EYS: variants seen among roughly 807,000 people sequenced by gnomAD.
EYS encodes protein eyes shut homolog.
Under a neutral mutation model 282.1 loss-of-function variants are expected in EYS, and 250 were observed. The observed-to-expected ratio is 0.89, with a 90% CI of 0.80 to 0.98. EYS has a LOEUF of 0.98. Among genes scored for constraint, EYS ranks in the 50% least tolerant of loss-of-function variants. The probability of loss-of-function intolerance (pLI) is 0.00; values close to 1 mark genes in which losing one functional copy is unlikely to be tolerated. For synonymous variants in EYS, 1,355 were observed against 1,282.9 expected (o/e 1.06, Z -1.20); for missense variants, 4,016 against 3,709.0 (o/e 1.08, Z -2.15).
At chr6:64,135,618 C>T (rs1262776126) in intron 31 of EYS, among the ~76,000 whole-genome samples, 1 of 152,092 alleles carries the variant, frequency 6.6e-6, no homozygotes, top group African/African-American at 2.4e-5. Flanking sequence ...ATACTTCAGA[C>T]ACATTGTAGG....
chr6:64,460,921 G>GA (rs912949496), intron 26 of EYS, among the ~76,000 whole-genome samples: 33 of 149,972 alleles, frequency 2.2e-4, no homozygotes, highest in African/African-American at 2.9e-4. Flanking sequence ...GGAAGGTACA[G>GA]AAAAAAAAAA....
intron 12 of EYS, among the ~76,000 whole-genome samples, chr6:65,278,451 T>G (rs1358957419): frequency 1.3e-5 from 2 of 150,014 alleles, no homozygotes; most frequent in African/African-American, 4.9e-5. Context: ...ATACAGCAGC[T>G]CATATCTATA....
chr6:65,225,634 A>G (rs940327683), intron 12 of EYS, among the ~76,000 whole-genome samples: 1 of 151,684 alleles, frequency 6.6e-6, no homozygotes, highest in Admixed American at 6.6e-5. Context: ...GAATTGCTTG[A>G]ACCTGGGAGG....
chr6:64,060,648 A>G (rs1771135120), intron 33 of EYS, among the ~76,000 whole-genome samples: 1 of 152,208 alleles, frequency 6.6e-6, no homozygotes, highest in African/African-American at 2.4e-5. Context: ...ATTTTAAAAA[A>G]TCTGCACCAA....
intron 31 of EYS, among the ~76,000 whole-genome samples, chr6:64,166,827 G>GC (rs1401078408): frequency 1.3e-5 from 2 of 152,276 alleles, no homozygotes; most frequent in East Asian, 3.9e-4. Flanking sequence ...AAAGTAGCTT[G>GC]CTAATGATAA....
At chr6:64,121,146 CCTT>C (rs527863088) in intron 31 of EYS, among the ~76,000 whole-genome samples, 16 of 152,140 alleles carry the variant, frequency 1.1e-4, no homozygotes, top group South Asian at 2.1e-4. Flanking sequence ...CATCTCTCCT[CCTT>C]CTCCCTCCAG....
At chr6:64,103,477 A>G (rs911783168) in intron 31 of EYS, among the ~76,000 whole-genome samples, 1 of 152,180 alleles carries the variant, frequency 6.6e-6, no homozygotes, top group African/African-American at 2.4e-5. Context: ...ACCAGGAGAA[A>G]GAGGCAAGAA....
chr6:64,659,728 A>T (rs193088387), intron 22 of EYS, among the ~76,000 whole-genome samples: 1 of 152,280 alleles, frequency 6.6e-6, no homozygotes, highest in Admixed American at 6.5e-5. Context: ...AGGCTCTGAA[A>T]TTGAGGCAAA....
intron 2 of EYS, among the ~76,000 whole-genome samples, chr6:65,553,297 A>G (rs1768668335): frequency 6.6e-6 from 1 of 152,190 alleles, no homozygotes; most frequent in Non-Finnish European, 1.5e-5. Flanking sequence ...GCAACAGAAG[A>G]TCACAGCAAT....
intron 22 of EYS, chr6:64,631,174 G>C (rs1190197933): frequency 1.3e-5 from 2 of 152,152 alleles, no homozygotes; most frequent in Non-Finnish European, 2.9e-5. Context: ...GAAAGCAACT[G>C]TTAAAAATGA....
intron 29 of EYS, among the ~76,000 whole-genome samples, chr6:64,333,145 G>A (rs927887083): frequency 6.6e-6 from 1 of 151,402 alleles, no homozygotes; most frequent in Non-Finnish European, 1.5e-5. Context: ...CTGTGATCCT[G>A]GAAACAGGCA....
intron 26 of EYS, among the ~76,000 whole-genome samples, chr6:64,484,570 G>C (rs1776528098): frequency 1.3e-5 from 2 of 151,548 alleles, no homozygotes; most frequent in Non-Finnish European, 3.0e-5. Context: ...ATATGATATA[G>C]GAAAAGGATG....
rs140222628 is a variant in EYS, at chr6:64,592,084, C to T, written c.3878-95G>A. 1,818 of 741,670 alleles carry T rather than the reference C, an allele frequency of 2.5e-3. 35 individuals are homozygous for T. In the Admixed American group the frequency reaches 0.038, roughly 15 times the overall value. 45.9% of individuals were successfully genotyped at this position (741,670 alleles called of 1,614,324 possible). A position where few individuals can be genotyped will look rare whatever the true frequency, so the allele number is the denominator to read the frequency against. On this transcript the variant is annotated intron_variant, in intron 25 of 42. Coordinates refer to ENST00000503581, the MANE Select transcript of EYS (RefSeq NM_001142800.2). ...AAATCTCAGGCAAATTGCACTGGCA[C>T]CTTACATCCATTATATGTAGACAAA...
At chr6:64,982,030 A>G (rs1770687404) in intron 14 of EYS, among the ~76,000 whole-genome samples, 1 of 151,468 alleles carries the variant, frequency 6.6e-6, no homozygotes, top group Admixed American at 6.6e-5. Context: ...TACTTGTAGC[A>G]AGAGAAATCA....
chr6:64,070,000 A>T (rs1451046036), intron 32 of EYS, among the ~76,000 whole-genome samples: 2 of 152,116 alleles, frequency 1.3e-5, no homozygotes, highest in Non-Finnish European at 1.5e-5. Context: ...CAGCTGGATT[A>T]TTATATCTAC....
chr6:64,679,050 A>C (rs1344951602), intron 22 of EYS, among the ~76,000 whole-genome samples: 1 of 152,160 alleles, frequency 6.6e-6, no homozygotes, highest in East Asian at 1.9e-4. Context: ...CATAATTTAA[A>C]GTTTATATAT....
chr6:64,297,547 CA>C (rs1245895137), intron 30 of EYS, among the ~76,000 whole-genome samples: 1 of 152,102 alleles, frequency 6.6e-6, no homozygotes, highest in Non-Finnish European at 1.5e-5. Context: ...TTTTCACATA[CA>C]AGGATCCCAA....
At chr6:64,738,102 T>C (rs73448411) in intron 22 of EYS, among the ~76,000 whole-genome samples, 1,766 of 152,262 alleles carry the variant, frequency 0.012, 40 homozygotes, top group African/African-American at 0.041. Flanking sequence ...ATTTCCACCA[T>C]TCTGATAAGG....
At chr6:65,390,239 A>G (rs933011449) in intron 7 of EYS, among the ~76,000 whole-genome samples, 1 of 151,618 alleles carries the variant, frequency 6.6e-6, no homozygotes. Flanking sequence ...AGGGATACCA[A>G]AGTTATCAAA....
Sources: allele counts gnomAD v4.1 joint callset (sites outside exome capture counted in the v4.1 genomes callset), GRCh38; gene constraint gnomAD v4.1.1; transcripts MANE v1.5; gene names NCBI Gene and HGNC (gene_info 2026-07-23, HGNC 2026-07-21).